EPHA3: variants seen among roughly 807,000 people sequenced by gnomAD.
EPHA3 encodes ephrin type-A receptor 3.
Under a neutral mutation model 107.1 loss-of-function variants are expected in EPHA3, and 42 were observed. The ratio of observed to expected loss-of-function variants is 0.39; its 90% CI spans 0.31 to 0.51. The LOEUF (loss-of-function observed/expected upper bound fraction) is 0.51. Ranked by LOEUF, EPHA3 falls within the 20% of genes least tolerant of loss-of-function variation. The pLI is 0.78. For synonymous variants in EPHA3, 461 were observed against 424.8 expected (o/e 1.09, Z -1.05); for missense variants, 1,183 against 1,211.2 (o/e 0.98, Z 0.35).
chr3:89,275,493 T>G (rs1370120230), intron 3 of EPHA3, among the ~76,000 whole-genome samples: 1 of 152,096 alleles, frequency 6.6e-6, no homozygotes, highest in Non-Finnish European at 1.5e-5. Flanking sequence ...AACCCTCACC[T>G]ATAATAAGTG....
At chr3:89,476,164 T>G in intron 16 of EPHA3, among the ~76,000 whole-genome samples, 1 of 147,640 alleles carries the variant, frequency 6.8e-6, no homozygotes, top group East Asian at 1.9e-4. Context: ...AATGTTTATA[T>G]ATTGTAGATA....
chr3:89,467,231 G>A (rs994237953), intron 15 of EPHA3, among the ~76,000 whole-genome samples: 3 of 152,032 alleles, frequency 2.0e-5, no homozygotes, highest in Non-Finnish European at 4.4e-5. Flanking sequence ...GTTATAAAAT[G>A]TACGGAAAAA....
chr3:89,380,964 A>G (rs1215697203), intron 5 of EPHA3, among the ~76,000 whole-genome samples: 1 of 150,878 alleles, frequency 6.6e-6, no homozygotes, highest in East Asian at 2.0e-4. Flanking sequence ...CAAAGCTGCT[A>G]TAGGCTGTTT....
chr3:89,196,437 T>C (rs1346265034), intron 2 of EPHA3, among the ~76,000 whole-genome samples: 1 of 152,080 alleles, frequency 6.6e-6, no homozygotes, highest in Non-Finnish European at 1.5e-5. Flanking sequence ...AAGTCATAGA[T>C]TTCAAGTCAT....
intron 3 of EPHA3, among the ~76,000 whole-genome samples, chr3:89,331,991 AT>A (rs1156232285): frequency 6.6e-6 from 1 of 152,132 alleles, no homozygotes; most frequent in East Asian, 1.9e-4. Context: ...CTGCTAATAT[AT>A]CCTGAGTATA....
chr3:89,304,755 C>G (rs1012507488), intron 3 of EPHA3, among the ~76,000 whole-genome samples: 6 of 152,038 alleles, frequency 3.9e-5, no homozygotes, highest in Non-Finnish European at 8.8e-5. Flanking sequence ...GATAGTTTGT[C>G]TATTTCCTTT....
chr3:89,459,071 T>C (rs1710161347), intron 15 of EPHA3, among the ~76,000 whole-genome samples: 1 of 152,114 alleles, frequency 6.6e-6, no homozygotes, highest in African/African-American at 2.4e-5. Context: ...GACAAATACC[T>C]AATGCATGTG....
intron 2 of EPHA3, among the ~76,000 whole-genome samples, chr3:89,205,640 T>G (rs1706082634): frequency 6.6e-6 from 1 of 152,196 alleles, no homozygotes; most frequent in Non-Finnish European, 1.5e-5. Flanking sequence ...TTTAATGAGT[T>G]AGAGGTTGAA....
In EPHA3 at chr3:89,214,912, A is replaced by G. The variant is rs138048285; in HGVS notation, c.814+4392A>G. On this transcript the variant is annotated intron_variant, in intron 3 of 16. Transcript: ENST00000336596. ...AACTGCAATGCAAAAATAAAATTAA[A>G]ATGCTACATCTCAAAAATGTTAAGC... 1.1e-3 allele frequency among the ~76,000 whole-genome samples: 166 copies of G among 152,074 alleles called. 2 individuals are homozygous for G. Among genetic ancestry groups the G allele is most frequent in the African/African-American group, 3.9e-3 (162 of 41,556 alleles).
intron 2 of EPHA3, among the ~76,000 whole-genome samples, chr3:89,134,691 T>G (rs1260522201): frequency 6.6e-6 from 1 of 152,158 alleles, no homozygotes; most frequent in Non-Finnish European, 1.5e-5. Flanking sequence ...CCGGTCACTA[T>G]GCTCCTCATC....
At chr3:89,135,509 TTTTTG>T (rs1218379939) in intron 2 of EPHA3, among the ~76,000 whole-genome samples, 2 of 152,104 alleles carry the variant, frequency 1.3e-5, no homozygotes, top group Non-Finnish European at 2.9e-5. Context: ...CTAACAACGA[TTTTTG>T]TTTTGTTTTG....
At chr3:89,120,918 G>A (rs1006718595) in intron 1 of EPHA3, among the ~76,000 whole-genome samples, 3 of 152,162 alleles carry the variant, frequency 2.0e-5, no homozygotes, top group Non-Finnish European at 4.4e-5. Flanking sequence ...GTTTTTCATA[G>A]CAATGTTTAA....
At chr3:89,209,356 A>G (rs1002523268) in intron 2 of EPHA3, among the ~76,000 whole-genome samples, 1 of 152,122 alleles carries the variant, frequency 6.6e-6, no homozygotes, top group African/African-American at 2.4e-5. Context: ...AAATGACAGT[A>G]CATTAAAAAA....
chr3:89,471,517 T>C (rs1710401634), intron 15 of EPHA3, among the ~76,000 whole-genome samples: 1 of 152,106 alleles, frequency 6.6e-6, no homozygotes, highest in South Asian at 2.1e-4. Flanking sequence ...TACAGGCATG[T>C]GCCACCATGG....
At chr3:89,206,481 G>T (rs1706107882) in intron 2 of EPHA3, among the ~76,000 whole-genome samples, 1 of 152,078 alleles carries the variant, frequency 6.6e-6, no homozygotes, top group Admixed American at 6.5e-5. Flanking sequence ...AAATAATATT[G>T]TCATGATCGA....
chr3:89,434,677 C>G (rs2107540452), intron 13 of EPHA3, among the ~76,000 whole-genome samples: 1 of 152,262 alleles, frequency 6.6e-6, no homozygotes, highest in Non-Finnish European at 1.5e-5. Context: ...CTAAATGTTT[C>G]CTTTACACTG....
chr3:89,458,258 G>A (rs1189367794), intron 15 of EPHA3, among the ~76,000 whole-genome samples: 1 of 152,104 alleles, frequency 6.6e-6, no homozygotes, highest in Admixed American at 6.6e-5. Flanking sequence ...TACGTTGACT[G>A]CCACCAAGAG....
chr3:89,130,175 G>A lies in EPHA3; in HGVS notation c.153+2902G>A, dbSNP rs565608270. ...TTTAGTAGGGGAGACAAGAGGTACT[G>A]CTAAATATCTTCCAATGAACATGGC... On this transcript the variant is annotated intron_variant, in intron 2 of 16. Transcript: ENST00000336596. 2.6e-3 allele frequency among the ~76,000 whole-genome samples: 401 copies of A among 152,206 alleles called. 1 individual carries two copies. Among genetic ancestry groups the A allele is most frequent in the Non-Finnish European group, 4.2e-3 (288 of 67,996 alleles).
intron 5 of EPHA3, among the ~76,000 whole-genome samples, chr3:89,367,439 C>T (rs1708206281): frequency 6.6e-6 from 1 of 150,518 alleles, no homozygotes; most frequent in African/African-American, 2.4e-5. Context: ...GAAGTGACTC[C>T]TCAAAGGCAG....
Sources: gnomAD v4.1 joint callset for allele counts (sites outside exome capture counted in the v4.1 genomes callset) on GRCh38, gnomAD v4.1.1 for gene constraint, MANE v1.5 for transcripts, NCBI Gene and HGNC (gene_info 2026-07-23, HGNC 2026-07-21) for gene names.